Variants in XIRP2 observed in about 807,000 individuals in gnomAD.
The protein encoded by XIRP2 is xin actin-binding repeat-containing protein 2.
Under a neutral mutation model 277.0 loss-of-function variants are expected in XIRP2, and 236 were observed. That is an observed-to-expected ratio of 0.85 (90% CI 0.77 to 0.95). The LOEUF is 0.95. Ranked by LOEUF, XIRP2 falls within the 40% of genes least tolerant of loss-of-function variation. The pLI is 0.00. For synonymous variants in XIRP2, 1,490 were observed against 1,416.5 expected (o/e 1.05, Z -1.17); for missense variants, 4,640 against 4,157.5 (o/e 1.12, Z -3.19).
chr2:167,073,572 T>C (rs79774925), intron 2 of XIRP2, among the ~76,000 whole-genome samples: 11,347 of 152,210 alleles, frequency 0.075, 489 homozygotes, highest in South Asian at 0.17. Context: ...ATTCATTATT[T>C]AGTTTCTCAT....
chr2:167,137,887 G>A (rs1273195402), intron 3 of XIRP2, among the ~76,000 whole-genome samples: 2 of 152,028 alleles, frequency 1.3e-5, no homozygotes, highest in African/African-American at 4.8e-5. Flanking sequence ...TTCATTATGG[G>A]ATCCTTTTCG....
At chr2:166,994,224 A>G (rs1198537464) in intron 2 of XIRP2, among the ~76,000 whole-genome samples, 1 of 19,800 alleles carries the variant, frequency 5.1e-5, no homozygotes, top group Non-Finnish European at 7.9e-5. Flanking sequence ...AACTATCGCA[A>G]GAACAAAAAA....
chr2:167,240,898 A>G (rs1456927096), intron 7 of XIRP2, among the ~76,000 whole-genome samples, 162 bp downstream of exon 7: 3 of 152,134 alleles, frequency 2.0e-5, no homozygotes, highest in Non-Finnish European at 2.9e-5. Flanking sequence ...AAATAATTAG[A>G]TTTTGCCTGT....
intron 2 of XIRP2, among the ~76,000 whole-genome samples, chr2:167,079,770 T>C (rs909005507): frequency 4.6e-5 from 7 of 152,016 alleles, no homozygotes; most frequent in Admixed American, 3.9e-4. Context: ...ATGTTGCTTA[T>C]CCTTCTAAAA....
At chr2:167,007,982 A>C (rs1423878420) in intron 2 of XIRP2, among the ~76,000 whole-genome samples, 1 of 151,462 alleles carries the variant, frequency 6.6e-6, no homozygotes, top group Non-Finnish European at 1.5e-5. Flanking sequence ...TCTCATTGTA[A>C]GTATTCACTT....
chr2:167,118,023 A>AAT (rs1197957581), intron 2 of XIRP2, among the ~76,000 whole-genome samples: 2 of 152,192 alleles, frequency 1.3e-5, no homozygotes, highest in Non-Finnish European at 2.9e-5. Flanking sequence ...TTTAGAAATC[A>AAT]ATATCTGGCT....
At position 167,245,767 on chromosome 2, in the gene XIRP2, C is replaced by A. The variant is rs747142312; in HGVS notation, c.4375C>A (p.His1459Asn). ...VKTSTWLFETHTMDELRGEGL... is the reference protein window; with the variant it reads ...VKTSTWLFETNTMDELRGEGL... Reference sequence around the variant, plus strand: ...AACATCTACTTGGCTATTTGAAACCCACACTATGGATGAACTGAGAGGAGA... The same window carrying A: ...AACATCTACTTGGCTATTTGAAACCAACACTATGGATGAACTGAGAGGAGA... The change falls in exon 9 of 11, where the codon CAC becomes AAC. Residue 1459 changes from histidine (H) to asparagine (N), a missense_variant. By Grantham distance (68) the His-to-Asn change is moderately conservative (BLOSUM62 1). Transcript: ENST00000409195. 2 of 1,613,672 alleles carry A rather than the reference C, an allele frequency of 1.2e-6. No homozygotes were observed. The highest frequency in any genetic ancestry group is 2.2e-5 in the South Asian group (2 of 91,070).
intron 2 of XIRP2, among the ~76,000 whole-genome samples, chr2:167,088,359 C>G (rs1284313235): frequency 6.6e-6 from 1 of 152,096 alleles, no homozygotes; most frequent in African/African-American, 2.4e-5. Flanking sequence ...GACTAGGTGA[C>G]ATTTCCACAT....
intron 7 of XIRP2, 64 bp downstream of exon 7, chr2:167,240,800 GGA>G: frequency 1.4e-6 from 2 of 1,441,932 alleles, no homozygotes; most frequent in Non-Finnish European, 2.0e-6. Flanking sequence ...GATTTTGAAT[GGA>G]TGACTTCCAA....
At chr2:167,175,533 C>A (rs1162672161) in intron 3 of XIRP2, among the ~76,000 whole-genome samples, 2 of 152,124 alleles carry the variant, frequency 1.3e-5, no homozygotes, top group Non-Finnish European at 2.9e-5. Flanking sequence ...GGGCACCTGC[C>A]AGATGCCAGC....
chr2:167,141,674 G>A (rs1031739303), intron 3 of XIRP2, among the ~76,000 whole-genome samples: 1 of 151,910 alleles, frequency 6.6e-6, no homozygotes, highest in Non-Finnish European at 1.5e-5. Flanking sequence ...ACCAGCTTGG[G>A]CAACATAGCA....
rs377007508 is a variant in XIRP2, at chr2:167,040,231, A to G, written c.409-95678A>G. Among the ~76,000 whole-genome samples, 4 of 151,908 alleles carry G rather than the reference A, an allele frequency of 2.6e-5. No homozygotes were observed. In the East Asian group the frequency reaches 5.8e-4, roughly 22 times the overall value. ...GCTTCCCCCACCATGAGACCAGACC[A>G]TCAAGAAGACCAGCACATTTCAAAC... On this transcript the variant is annotated intron_variant, in intron 2 of 10. Transcript: ENST00000409195.
chr2:167,121,440 T>G (rs984508489), intron 2 of XIRP2, among the ~76,000 whole-genome samples: 4 of 152,132 alleles, frequency 2.6e-5, no homozygotes, highest in African/African-American at 9.7e-5. Context: ...AGAAAACACT[T>G]TGCATGCTAA....
intron 2 of XIRP2, among the ~76,000 whole-genome samples, chr2:166,969,571 G>T (rs931850048): frequency 6.6e-6 from 1 of 151,058 alleles, no homozygotes; most frequent in African/African-American, 2.4e-5. Flanking sequence ...TTCAATCATT[G>T]TTCCTTTAAA....
At chr2:167,018,028 GT>G (rs1242445648) in intron 2 of XIRP2, among the ~76,000 whole-genome samples, 2 of 152,010 alleles carry the variant, frequency 1.3e-5, no homozygotes, top group Non-Finnish European at 2.9e-5. Flanking sequence ...AACCCTCTTT[GT>G]AAGCTTACAA....
At chr2:167,104,156 C>G (rs762915104) in intron 2 of XIRP2, among the ~76,000 whole-genome samples, 14 of 152,074 alleles carry the variant, frequency 9.2e-5, no homozygotes, top group Non-Finnish European at 1.8e-4. Flanking sequence ...CTTCTACTCT[C>G]TTGGTTTTTC....
At chr2:166,933,174 A>T (rs1477553762) in intron 2 of XIRP2, among the ~76,000 whole-genome samples, 1 of 150,994 alleles carries the variant, frequency 6.6e-6, no homozygotes, top group Non-Finnish European at 1.5e-5. Flanking sequence ...TTTGAGACAG[A>T]GACTTGCTCT....
intron 2 of XIRP2, among the ~76,000 whole-genome samples, chr2:166,962,177 A>T (rs888436019): frequency 5.3e-5 from 8 of 151,766 alleles, no homozygotes; most frequent in Non-Finnish European, 8.8e-5. Flanking sequence ...CTTAAAAAGT[A>T]AAAATATCCA....
In XIRP2 at chr2:167,251,077, A is replaced by G; in HGVS notation, c.9685A>G (p.Thr3229Ala). The stretch of plus-strand genomic sequence containing the variant: ...ACTTCGTCGTCAAATTAAGATAGAA[A>G]CTCGTGGTAGGGACTCTCCACCTAC... ...ATLRRQIKIE[T>A]RGRDSPPTIT... Residue 3229 changes from threonine to alanine, a missense_variant, in exon 9 of 11, where the codon ACT becomes GCT. Physicochemically the swap from Thr to Ala is moderately conservative, Grantham distance 58. Transcript: ENST00000409195. 1 of 1,613,544 alleles carries G rather than the reference A, an allele frequency of 6.2e-7. No homozygotes were observed. The highest frequency in any genetic ancestry group is 2.2e-5 in the East Asian group (1 of 44,830).
Sources: allele counts gnomAD v4.1 joint callset (sites outside exome capture counted in the v4.1 genomes callset), GRCh38; gene constraint gnomAD v4.1.1; transcripts MANE v1.5; gene names NCBI Gene and HGNC (gene_info 2026-07-23, HGNC 2026-07-21).